The following NR4A1 variants were observed in gnomAD, a reference collection of about 807,000 sequenced individuals.
NR4A1 encodes nuclear receptor subfamily 4immunitygroup A member 1.
In NR4A1, 24 loss-of-function variants were observed where a neutral mutation model predicts 47.5. The observed-to-expected ratio is 0.50, with a 90% CI of 0.37 to 0.71. The LOEUF (loss-of-function observed/expected upper bound fraction) is 0.71. Ranked by LOEUF, NR4A1 falls within the 30% of genes least tolerant of loss-of-function variation. NR4A1 has a pLI of 0.00. For synonymous variants in NR4A1, 353 were observed against 345.7 expected (o/e 1.02, Z -0.24); for missense variants, 669 against 788.6 (o/e 0.85, Z 1.82).
In NR4A1 at chr12:52,051,576, C is replaced by A; in HGVS notation, c.-3+8C>A. 2.0e-6 allele frequency: 2 copies of A among 985,774 alleles called. No homozygotes were observed. Among genetic ancestry groups the A allele is most frequent in the Non-Finnish European group, 2.4e-6 (2 of 830,198 alleles). 61.1% of individuals were successfully genotyped at this position (985,774 alleles called of 1,614,324 possible). A position where few individuals can be genotyped will look rare whatever the true frequency, so the allele number is the denominator to read the frequency against. ...GCAGCGGGAGCCGGCCGGGTAGGTT[C>A]CCTTCGGGGAACGTGCATCTGTTTT... On this transcript the variant is annotated splice_region_variant and intron_variant, in intron 1 of 6. Coordinates refer to ENST00000394825, the MANE Select transcript of NR4A1 (RefSeq NM_173157.3).
intron 3 of NR4A1, 85 bp from the exon 4 acceptor site, chr12:52,056,409 C>A (rs973722303): frequency 1.3e-6 from 2 of 1,536,386 alleles, no homozygotes; most frequent in East Asian, 4.7e-5. Context: ...CGGTGGGGCG[C>A]GTCTCAGCAG....
Position 52,056,717 on chromosome 12 carries a change from A to G in NR4A1, c.1158+72A>G. ...GCAGTGCCTTTGTGCGTGTTAGGAG[A>G]GCTACCCCCTCTGGAAGGACTGAAT... On this transcript the variant is annotated intron_variant, in intron 4 of 6. Transcript: ENST00000394825. 5 of 1,401,258 alleles carry G rather than the reference A, an allele frequency of 3.6e-6. No individual in the cohort carries two copies. In the East Asian group the frequency reaches 1.3e-4, roughly 36 times the overall value. The allele number at this position is 1,401,258 out of a possible 1,614,324, so 86.8% of individuals were successfully genotyped here.
upstream of NR4A1, among the ~76,000 whole-genome samples, chr12:52,046,845 T>TGGTGGCGGGCGC (rs1303239647): frequency 6.6e-6 from 1 of 151,896 alleles, no homozygotes; most frequent in Non-Finnish European, 1.5e-5. Context: ...TAGCCGGGCG[T>TGGTGGCGGGCGC]GGTGGCGGGC....
At chr12:52,025,048 C>CCTTGCTCA (rs890799848) in intron 1 of NR4A1, among the ~76,000 whole-genome samples, 1 of 151,336 alleles carries the variant, frequency 6.6e-6, no homozygotes, top group Non-Finnish European at 1.5e-5. Context: ...GCCTCTCGGA[C>CCTTGCTCA]CTTGCTCACT....
At chr12:52,042,030 T>C (rs1938460519) in intron 2 of NR4A1, 1 of 909,462 alleles carries the variant, frequency 1.1e-6, no homozygotes, top group Admixed American at 4.9e-5. Context: ...GTTAGGGGGA[T>C]GGAGGGGAAG....
At chr12:52,041,760 T>C (rs1286598654) in intron 1 of NR4A1, 5 of 1,263,422 alleles carry the variant, frequency 4.0e-6, no homozygotes, top group South Asian at 6.2e-5. Context: ...CTCCAGGGAA[T>C]GTGCCTGCTG....
In NR4A1 at chr12:52,054,646, C is replaced by G. The variant is rs1050630891; in HGVS notation, c.318C>G (p.Phe106Leu). The G allele has an allele frequency of 6.2e-7, 1 of 1,614,170 alleles. No homozygotes were observed. ...PASASFKFEDFQVYGCYPGPL... is the reference protein window; with the variant it reads ...PASASFKFEDLQVYGCYPGPL... ...CTGCCTCCTTCAAGTTCGAGGACTTCCAGGTGTACGGCTGCTACCCCGGCC... is the reference window on the plus strand; with the variant it reads ...CTGCCTCCTTCAAGTTCGAGGACTTGCAGGTGTACGGCTGCTACCCCGGCC... Residue 106 changes from phenylalanine (F) to leucine (L), a missense_variant, in exon 2 of 7, where the codon TTC becomes TTG. Physicochemically the swap from Phe to Leu is conservative, Grantham distance 22 (BLOSUM62 0). Transcript: ENST00000394825.
chr12:52,036,260 T>C (rs1349834981), intron 1 of NR4A1, among the ~76,000 whole-genome samples: 1 of 152,086 alleles, frequency 6.6e-6, no homozygotes, highest in Non-Finnish European at 1.5e-5. Context: ...ACCTTCCAAG[T>C]GCCTGCACCC....
At chr12:52,055,818 C>T (rs1939230535) in intron 2 of NR4A1, 2 of 452,948 alleles carry the variant, frequency 4.4e-6, no homozygotes, top group Admixed American at 3.9e-5. Flanking sequence ...TTCCTCAGAG[C>T]GAGAAACCTC....
intron 1 of NR4A1, among the ~76,000 whole-genome samples, chr12:52,025,141 C>T (rs1937977340): frequency 6.6e-6 from 1 of 151,884 alleles, no homozygotes; most frequent in Admixed American, 6.6e-5. Flanking sequence ...CTCACTGCAC[C>T]CTCCGTCCCC....
intron 2 of NR4A1, among the ~76,000 whole-genome samples, chr12:52,042,996 G>A (rs1419047693): frequency 1.3e-5 from 2 of 152,146 alleles, no homozygotes; most frequent in African/African-American, 2.4e-5. Context: ...GGGGGTCAGC[G>A]TTCAGGGTGC....
At position 52,057,523 on chromosome 12, in the gene NR4A1, C is replaced by T; in HGVS notation, c.1533C>T (p.Leu511=). 1 of 1,613,940 alleles carries T rather than the reference C, an allele frequency of 6.2e-7. No homozygotes were observed. Among genetic ancestry groups the T allele is most frequent in the Non-Finnish European group, 8.5e-7 (1 of 1,180,020 alleles). ...PAFACLSALV[L]ITDRHGLQEP... is the part of the protein sequence containing the mutation. The stretch of plus-strand genomic sequence containing the variant: ...TCGCCTGCCTCTCTGCCCTTGTCCT[C>T]ATCACCGGTGAGTGACCAGCACCAC... The change falls in exon 6 of 7, where the codon CTC becomes CTT. Residue 511 remains leucine, a synonymous_variant. Coordinates refer to ENST00000394825, the MANE Select transcript of NR4A1 (RefSeq NM_173157.3).
rs1268738604 is a variant in NR4A1 at position 52,056,884 on chromosome 12, T to C, written c.1159-173T>C. The C allele has an allele frequency of 7.4e-6, 6 of 808,342 alleles. No individual in the cohort carries two copies. The African/African-American group carries it at 1.0e-4, about 14-fold the overall frequency. 50.1% of individuals were successfully genotyped at this position (808,342 alleles called of 1,614,324 possible). ...GGCCAATTAGAAAAATATGTCCTTTTGGCAGCTGCAGCCCTGGGTTAATAT... is the reference window on the plus strand; with the variant it reads ...GGCCAATTAGAAAAATATGTCCTTTCGGCAGCTGCAGCCCTGGGTTAATAT... On this transcript the variant is annotated intron_variant, in intron 4 of 6. Transcript: ENST00000394825.
rs1939322472 is a variant in NR4A1 at position 52,057,270 on chromosome 12, C to T, written c.1361+11C>T. On this transcript the variant is annotated intron_variant, in intron 5 of 6. Coordinates refer to ENST00000394825, the MANE Select transcript of NR4A1 (RefSeq NM_173157.3). Reference sequence around the variant, plus strand: ...CCGCCTGGCGTACAGGTGAGAGCCACTGACTGTCTGCCCAGCCCCTTTCCC... The same window carrying T: ...CCGCCTGGCGTACAGGTGAGAGCCATTGACTGTCTGCCCAGCCCCTTTCCC... 1.2e-6 allele frequency: 2 copies of T among 1,613,240 alleles called. No homozygotes were observed. The highest frequency in any genetic ancestry group is 1.3e-5 in the African/African-American group (1 of 74,892).
chr12:52,053,153 T>C (rs1939070820), intron 1 of NR4A1, among the ~76,000 whole-genome samples: 1 of 152,126 alleles, frequency 6.6e-6, no homozygotes, highest in East Asian at 1.9e-4. Flanking sequence ...ACCCCAGGTG[T>C]GTAGGTTGGG....
At chr12:52,038,664 A>C (rs1422360245) in intron 1 of NR4A1, 1 of 756,312 alleles carries the variant, frequency 1.3e-6, no homozygotes, top group South Asian at 1.4e-5. Flanking sequence ...TGGAGACTTA[A>C]AAAGGAAGTC....
Position 52,051,462 on chromosome 12 carries a change from C to T in NR4A1, c.-109C>T, listed in dbSNP as rs1938935411. On this transcript the variant is annotated 5_prime_UTR_variant, in exon 1 of 7. The change creates a new upstream start codon in the 5' untranslated region. Coordinates refer to ENST00000394825, the MANE Select transcript of NR4A1 (RefSeq NM_173157.3). Reference sequence around the variant, plus strand: ...CGGGGAGTCCCAGTGGCGGAGGCTACGAAACTTGGGGGAGTGCACAGAAGA... The same window carrying T: ...CGGGGAGTCCCAGTGGCGGAGGCTATGAAACTTGGGGGAGTGCACAGAAGA... The T allele has an allele frequency of 5.1e-6, 5 of 985,458 alleles. No individual in the cohort carries two copies. The highest frequency in any genetic ancestry group is 4.7e-5 in the South Asian group (1 of 21,296). 61.0% of individuals were successfully genotyped at this position (985,458 alleles called of 1,614,324 possible).
Position 52,058,715 on chromosome 12 carries a change from G to C in NR4A1, c.1568G>C (p.Arg523Pro), listed in dbSNP as rs753351427. 5 of 1,607,946 alleles carry C rather than the reference G, an allele frequency of 3.1e-6. No homozygotes were observed. The South Asian group carries it at 5.5e-5, about 18-fold the overall frequency. ...CGGCATGGGCTGCAGGAGCCGCGGC[G>C]GGTGGAGGAGCTGCAGAACCGCATC... ...TDRHGLQEPR[R>P]VEELQNRIAS... Residue 523 changes from arginine (R) to proline (P), a missense_variant, in exon 7 of 7, where the codon CGG becomes CCG. Arg to Pro is a moderately radical substitution (Grantham distance 103, BLOSUM62 -2). Coordinates refer to ENST00000394825, the MANE Select transcript of NR4A1 (RefSeq NM_173157.3).
upstream of NR4A1, among the ~76,000 whole-genome samples, chr12:52,051,206 C>T (rs1341615694): frequency 2.0e-5 from 3 of 152,228 alleles, no homozygotes; most frequent in East Asian, 3.9e-4. Flanking sequence ...TCCGCGCTCC[C>T]TGCGTCAATG....
Sources: gnomAD v4.1 joint callset for allele counts (sites outside exome capture counted in the v4.1 genomes callset) on GRCh38, gnomAD v4.1.1 for gene constraint, MANE v1.5 for transcripts, NCBI Gene and HGNC (gene_info 2026-07-23, HGNC 2026-07-21) for gene names.